Variants in GRM7 observed in about 807,000 individuals in gnomAD.
GRM7 encodes glutamate metabotropic receptor 7, also known as metabotropic glutamate receptor 7.
Under a neutral mutation model 84.5 loss-of-function variants are expected in GRM7, and 35 were observed. The ratio of observed to expected loss-of-function variants is 0.41; its 90% confidence interval spans 0.32 to 0.55. GRM7 has a LOEUF of 0.55. Among genes scored for constraint, GRM7 ranks in the 20% least tolerant of loss-of-function variants. The pLI is 0.19. For synonymous variants in GRM7, 487 were observed against 455.1 expected (o/e 1.07, Z -0.89); for missense variants, 1,003 against 1,194.6 (o/e 0.84, Z 2.36).
At chr3:7,349,585 G>T (rs963036590) in intron 4 of GRM7, among the ~76,000 whole-genome samples, 2 of 152,252 alleles carry the variant, frequency 1.3e-5, no homozygotes, top group East Asian at 3.9e-4. Context: ...GTGTAAAATT[G>T]AATAAGTTAT....
At chr3:7,462,808 T>C (rs529189556) in intron 7 of GRM7, among the ~76,000 whole-genome samples, 1 of 152,158 alleles carries the variant, frequency 6.6e-6, no homozygotes, top group East Asian at 1.9e-4. Flanking sequence ...GGCACTAAAA[T>C]TGGGTCCAAA....
chr3:7,381,107 T>G (rs1009801454), intron 4 of GRM7, among the ~76,000 whole-genome samples: 1 of 152,206 alleles, frequency 6.6e-6, no homozygotes, highest in Admixed American at 6.5e-5. Flanking sequence ...AGTACTACCT[T>G]TCTCAAGTAC....
chr3:7,473,532 A>AGAGAGAGAGAGAC (rs1553603738), intron 7 of GRM7, among the ~76,000 whole-genome samples: 1 of 83,568 alleles, frequency 1.2e-5, no homozygotes. Flanking sequence ...GAGAGAGAGA[A>AGAGAGAGAGAGAC]ACACCTTGAC....
chr3:7,731,508 C>T (rs1702330361), intron 9 of GRM7, among the ~76,000 whole-genome samples: 1 of 152,158 alleles, frequency 6.6e-6, no homozygotes, highest in Non-Finnish European at 1.5e-5. Context: ...TATTGCTGGG[C>T]TATTGGGCCA....
intron 1 of GRM7, among the ~76,000 whole-genome samples, chr3:6,925,006 T>C (rs1166653083): frequency 6.6e-6 from 1 of 152,156 alleles, no homozygotes; most frequent in Admixed American, 6.6e-5. Context: ...CTGAGGCTTC[T>C]TATATGGTAG....
intron 1 of GRM7, among the ~76,000 whole-genome samples, chr3:6,975,129 C>T (rs543653851): frequency 2.8e-4 from 43 of 152,000 alleles, no homozygotes; most frequent in African/African-American, 8.7e-4. Context: ...CCTGCAGATG[C>T]GTGGAGGTAA....
At chr3:7,069,479 G>A (rs1471587722) in intron 1 of GRM7, among the ~76,000 whole-genome samples, 1 of 152,076 alleles carries the variant, frequency 6.6e-6, no homozygotes, top group Non-Finnish European at 1.5e-5. Flanking sequence ...TTGAGTTAAG[G>A]CAGTCCATAG....
At chr3:7,662,381 T>A (rs1023631612) in intron 8 of GRM7, among the ~76,000 whole-genome samples, 1 of 151,970 alleles carries the variant, frequency 6.6e-6, no homozygotes, top group Non-Finnish European at 1.5e-5. Flanking sequence ...GCACAGTTTA[T>A]TGAGCATGCT....
intron 1 of GRM7, among the ~76,000 whole-genome samples, chr3:6,920,259 A>G (rs1340569192): frequency 6.6e-6 from 1 of 152,150 alleles, no homozygotes; most frequent in Non-Finnish European, 1.5e-5. Context: ...AATTAACAAA[A>G]ATGATGATTG....
intron 7 of GRM7, among the ~76,000 whole-genome samples, chr3:7,533,781 G>A (rs1459048014): frequency 6.6e-6 from 1 of 152,164 alleles, no homozygotes; most frequent in Admixed American, 6.5e-5. Context: ...AAGAGATAAT[G>A]CCATGGCCTA....
chr3:6,979,863 C>A lies in GRM7; in HGVS notation c.519+117956C>A, dbSNP rs564152621. The stretch of plus-strand genomic sequence containing the variant: ...TAGGTTATTATCTGTGATTATCAAT[C>A]TGGCCAATTTCAGTTGATTGCCATT... On this transcript the variant is annotated intron_variant, in intron 1 of 9. Coordinates refer to ENST00000357716, the MANE Select transcript of GRM7 (RefSeq NM_000844.4). Among the ~76,000 whole-genome samples, 10 of 152,260 alleles carry A rather than the reference C, an allele frequency of 6.6e-5. 1 individual carries two copies. Among genetic ancestry groups the A allele is most frequent in the South Asian group, 2.1e-4 (1 of 4,824 alleles).
chr3:7,723,144 C>T (rs1702011597), intron 9 of GRM7, among the ~76,000 whole-genome samples: 1 of 152,126 alleles, frequency 6.6e-6, no homozygotes, highest in Non-Finnish European at 1.5e-5. Flanking sequence ...ACCAGTACTC[C>T]AAATTATTTT....
intron 1 of GRM7, among the ~76,000 whole-genome samples, chr3:7,131,981 C>G (rs541369437): frequency 2.0e-4 from 30 of 152,288 alleles, no homozygotes; most frequent in African/African-American, 6.5e-4. Flanking sequence ...ACACCTACTT[C>G]ATTACTTTTT....
intron 3 of GRM7, among the ~76,000 whole-genome samples, chr3:7,302,648 G>T (rs1052592633): frequency 7.3e-5 from 11 of 151,678 alleles, no homozygotes; most frequent in Non-Finnish European, 1.6e-4. Context: ...CTTTTATTTT[G>T]TGAAAATTAA....
At chr3:6,968,610 T>A (rs1201159068) in intron 1 of GRM7, among the ~76,000 whole-genome samples, 1 of 152,196 alleles carries the variant, frequency 6.6e-6, no homozygotes, top group African/African-American at 2.4e-5. Context: ...ATCAGGATCA[T>A]TATTTTAATA....
At chr3:7,332,634 G>C (rs1701251471) in intron 4 of GRM7, among the ~76,000 whole-genome samples, 1 of 152,154 alleles carries the variant, frequency 6.6e-6, no homozygotes, top group Non-Finnish European at 1.5e-5. Context: ...GTAACATGCA[G>C]CTCCCACTTA....
intron 1 of GRM7, among the ~76,000 whole-genome samples, chr3:6,948,521 T>G (rs566072396): frequency 6.6e-6 from 1 of 152,328 alleles, no homozygotes; most frequent in East Asian, 1.9e-4. Flanking sequence ...CTGAGAAGAA[T>G]GTATATTCTG....
intron 1 of GRM7, among the ~76,000 whole-genome samples, chr3:7,065,840 C>G (rs1450188134): frequency 1.3e-5 from 2 of 151,672 alleles, no homozygotes; most frequent in African/African-American, 4.8e-5. Flanking sequence ...TCTCTCAGAC[C>G]ACAGTGGAAT....
intron 1 of GRM7, among the ~76,000 whole-genome samples, chr3:7,063,851 A>G (rs1247411387): frequency 6.6e-6 from 1 of 151,674 alleles, no homozygotes; most frequent in East Asian, 1.9e-4. Flanking sequence ...TATGTATGTA[A>G]TGTCCAACAG....
Sources: gnomAD v4.1 joint callset for allele counts (sites outside exome capture counted in the v4.1 genomes callset) on GRCh38, gnomAD v4.1.1 for gene constraint, MANE v1.5 for transcripts, NCBI Gene and HGNC (gene_info 2026-07-23, HGNC 2026-07-21) for gene names.